NTNG1: variants seen among roughly 807,000 people sequenced by gnomAD.
The protein encoded by NTNG1 is netrin G1.
Under a neutral mutation model 54.0 loss-of-function variants are expected in NTNG1, and 16 were observed. That is an observed-to-expected ratio of 0.30 (90% CI 0.20 to 0.45). NTNG1 has a LOEUF of 0.45. Ranked by LOEUF, NTNG1 falls within the 20% of genes least tolerant of loss-of-function variation. NTNG1 has a pLI of 1.00. For synonymous variants in NTNG1, 255 were observed against 263.1 expected (o/e 0.97, Z 0.30); for missense variants, 530 against 678.7 (o/e 0.78, Z 2.43).
intron 4 of NTNG1, among the ~76,000 whole-genome samples, chr1:107,405,178 A>G (rs1017550449): frequency 6.6e-6 from 1 of 152,168 alleles, no homozygotes; most frequent in African/African-American, 2.4e-5. Context: ...AACCACAAAC[A>G]AGGTATTTGG....
intron 3 of NTNG1, among the ~76,000 whole-genome samples, chr1:107,349,059 A>T (rs1229432406): frequency 6.6e-6 from 1 of 151,778 alleles, no homozygotes; most frequent in Non-Finnish European, 1.5e-5. Flanking sequence ...TGGGATTACT[A>T]CTCCATTGGT....
At chr1:107,303,572 T>A (rs1484664339) in intron 2 of NTNG1, among the ~76,000 whole-genome samples, 1 of 152,188 alleles carries the variant, frequency 6.6e-6, no homozygotes, top group African/African-American at 2.4e-5. Flanking sequence ...CACTCTGTCA[T>A]CAAACATTGA....
intron 5 of NTNG1, among the ~76,000 whole-genome samples, chr1:107,412,437 A>ATAGCC (rs1192347763): frequency 2.0e-5 from 3 of 152,222 alleles, no homozygotes; most frequent in African/African-American, 7.2e-5. Flanking sequence ...AACTTGCCCA[A>ATAGCC]TGCAGTACAA....
intron 6 of NTNG1, among the ~76,000 whole-genome samples, chr1:107,431,233 G>T (rs1446381907): frequency 6.6e-6 from 1 of 152,068 alleles, no homozygotes; most frequent in African/African-American, 2.4e-5. Flanking sequence ...ATTCTGAACT[G>T]ATCTTATAGC....
intron 3 of NTNG1, among the ~76,000 whole-genome samples, chr1:107,376,124 A>G (rs1325240076): frequency 6.6e-6 from 1 of 152,212 alleles, no homozygotes; most frequent in Non-Finnish European, 1.5e-5. Flanking sequence ...AACATATAAT[A>G]ATATTGCTAT....
chr1:107,245,908 G>A lies in NTNG1; in HGVS notation c.247-78374G>A. Among the ~76,000 whole-genome samples, 2 of 152,080 alleles carry A rather than the reference G, an allele frequency of 1.3e-5. 1 individual carries two copies. The highest frequency in any genetic ancestry group is 6.4e-3 in the Middle Eastern group (2 of 314). On this transcript the variant is annotated intron_variant, in intron 2 of 7. Transcript: ENST00000370068. Reference sequence around the variant, plus strand: ...CTCATTTAAAGCCAGAAACATACTAGGTGGTCAATAAATGATATGTATCCT... The same window carrying A: ...CTCATTTAAAGCCAGAAACATACTAAGTGGTCAATAAATGATATGTATCCT...
At chr1:107,378,530 GC>G (rs1181801361) in intron 3 of NTNG1, among the ~76,000 whole-genome samples, 1 of 152,158 alleles carries the variant, frequency 6.6e-6, no homozygotes, top group Admixed American at 6.5e-5. Context: ...TGGGGGAACA[GC>G]CTTGGAATGC....
chr1:107,401,815 C>A (rs1051033066), intron 4 of NTNG1, among the ~76,000 whole-genome samples: 1 of 151,936 alleles, frequency 6.6e-6, no homozygotes, highest in Non-Finnish European at 1.5e-5. Flanking sequence ...CAGTTTCCTT[C>A]CCAACAGACT....
intron 2 of NTNG1, among the ~76,000 whole-genome samples, chr1:107,259,771 C>G (rs2101646275): frequency 6.6e-6 from 1 of 152,310 alleles, no homozygotes; most frequent in African/African-American, 2.4e-5. Flanking sequence ...GTGTGTGACG[C>G]AGATGACATA....
In NTNG1 at chr1:107,197,852, G is replaced by T. The variant is rs115714513; in HGVS notation, c.246+49013G>T. On this transcript the variant is annotated intron_variant, in intron 2 of 7. Transcript: ENST00000370068. ...GTGTGTAAACATTGCCATCCACCTG[G>T]CCACTGTTATTTTAAATCATAAGCT... Among the ~76,000 whole-genome samples, 1,052 of 151,978 alleles carry T rather than the reference G, an allele frequency of 6.9e-3. 12 individuals carry two copies. Among genetic ancestry groups the T allele is most frequent in the African/African-American group, 0.024 (1,006 of 41,494 alleles).
intron 2 of NTNG1, among the ~76,000 whole-genome samples, chr1:107,219,197 A>G (rs1557819945): frequency 6.6e-6 from 1 of 150,708 alleles, no homozygotes; most frequent in Non-Finnish European, 1.5e-5. Context: ...TACTTGTTCA[A>G]TTCTATTGCT....
intron 2 of NTNG1, among the ~76,000 whole-genome samples, chr1:107,277,792 T>C (rs1462050070): frequency 1.3e-5 from 2 of 152,214 alleles, no homozygotes; most frequent in Non-Finnish European, 2.9e-5. Context: ...TTGTATAGAA[T>C]AGAGCATATC....
intron 2 of NTNG1, among the ~76,000 whole-genome samples, chr1:107,196,883 T>C (rs1214751208): frequency 6.6e-6 from 1 of 151,960 alleles, no homozygotes; most frequent in Admixed American, 6.6e-5. Flanking sequence ...TCTAATGTCA[T>C]ATTTTTCTAT....
intron 2 of NTNG1, among the ~76,000 whole-genome samples, chr1:107,249,837 G>T (rs1662473544): frequency 6.6e-6 from 1 of 152,124 alleles, no homozygotes; most frequent in Non-Finnish European, 1.5e-5. Context: ...TTTGGGAAAT[G>T]TTACCATAAT....
chr1:107,187,348 T>G (rs1254613304), intron 2 of NTNG1, among the ~76,000 whole-genome samples: 1 of 152,060 alleles, frequency 6.6e-6, no homozygotes, highest in East Asian at 1.9e-4. Flanking sequence ...AACAGCTAGC[T>G]TTGGGTATAA....
chr1:107,151,810 A>G (rs749669919), intron 2 of NTNG1, among the ~76,000 whole-genome samples: 13 of 152,160 alleles, frequency 8.5e-5, no homozygotes, highest in Non-Finnish European at 1.5e-4. Flanking sequence ...GAGCATATGG[A>G]TTCCATTTAA....
intron 7 of NTNG1, among the ~76,000 whole-genome samples, chr1:107,451,798 T>C (rs1676643924): frequency 1.3e-5 from 2 of 152,232 alleles, no homozygotes; most frequent in South Asian, 4.1e-4. Context: ...CCATATAAGA[T>C]AGAAAACAAG....
chr1:107,397,812 G>A (rs978557814), intron 4 of NTNG1, among the ~76,000 whole-genome samples: 5 of 149,402 alleles, frequency 3.3e-5, no homozygotes, highest in Non-Finnish European at 5.9e-5. Flanking sequence ...AACCATTATC[G>A]ACTCCAATTC....
At chr1:107,194,644 T>C (rs1658193009) in intron 2 of NTNG1, among the ~76,000 whole-genome samples, 2 of 152,190 alleles carry the variant, frequency 1.3e-5, no homozygotes, top group African/African-American at 4.8e-5. Flanking sequence ...ATCTGTAATG[T>C]GTTTAGAAAT....
Sources: gnomAD v4.1 joint callset for allele counts (sites outside exome capture counted in the v4.1 genomes callset) on GRCh38, gnomAD v4.1.1 for gene constraint, MANE v1.5 for transcripts, NCBI Gene and HGNC (gene_info 2026-07-23, HGNC 2026-07-21) for gene names.